Variants in SRRM4 observed in about 807,000 individuals in gnomAD.
The protein encoded by SRRM4 is serine/arginine repetitive matrix protein 4.
Under a neutral mutation model 68.9 loss-of-function variants are expected in SRRM4, and 33 were observed. The ratio of observed to expected loss-of-function variants is 0.48; its 90% CI spans 0.36 to 0.64. The LOEUF (loss-of-function observed/expected upper bound fraction) is 0.64, where lower values mean the gene tolerates loss of function less well. Among genes scored for constraint, SRRM4 ranks in the 30% least tolerant of loss-of-function variants. SRRM4 has a pLI of 0.00. For synonymous variants in SRRM4, 318 were observed against 318.8 expected (o/e 1.00, Z 0.03); for missense variants, 817 against 827.1 (o/e 0.99, Z 0.15).
chr12:119,070,858 G>C (rs1565901660), intron 1 of SRRM4, among the ~76,000 whole-genome samples: 1 of 152,140 alleles, frequency 6.6e-6, no homozygotes, highest in Non-Finnish European at 1.5e-5. Flanking sequence ...TCATGGTGAG[G>C]GTCCTAGGAC....
At chr12:119,012,631 T>C (rs1953457551) in intron 1 of SRRM4, among the ~76,000 whole-genome samples, 2 of 152,224 alleles carry the variant, frequency 1.3e-5, no homozygotes, top group Admixed American at 1.3e-4. Flanking sequence ...AGTCCCGCTC[T>C]CTTTCTTCAA....
chr12:119,073,772 T>C (rs566070020), intron 1 of SRRM4, among the ~76,000 whole-genome samples: 70 of 152,222 alleles, frequency 4.6e-4, no homozygotes, highest in African/African-American at 1.6e-3. Context: ...AGTCATACCC[T>C]CTGTGCCCTG....
chr12:119,050,558 A>T (rs1023936949), intron 1 of SRRM4, among the ~76,000 whole-genome samples: 3 of 152,224 alleles, frequency 2.0e-5, no homozygotes, highest in Non-Finnish European at 4.4e-5. Context: ...AGCAGAGTGT[A>T]AGACCTTTAG....
chr12:119,079,360 C>T (rs1367171636), intron 1 of SRRM4, among the ~76,000 whole-genome samples: 1 of 152,100 alleles, frequency 6.6e-6, no homozygotes, highest in Non-Finnish European at 1.5e-5. Context: ...GAAAGTGACT[C>T]AGTGAGGTAT....
intron 7 of SRRM4, among the ~76,000 whole-genome samples, chr12:119,126,613 C>T (rs945945794): frequency 2.0e-5 from 3 of 152,132 alleles, no homozygotes; most frequent in Admixed American, 2.0e-4. Flanking sequence ...TTCTCCTAAC[C>T]TGGACTCTCT....
chr12:119,076,075 G>A (rs1030917335), intron 1 of SRRM4, among the ~76,000 whole-genome samples: 3 of 151,986 alleles, frequency 2.0e-5, no homozygotes, highest in African/African-American at 7.3e-5. Flanking sequence ...TAATGGTAAT[G>A]ATAATAATAA....
intron 1 of SRRM4, among the ~76,000 whole-genome samples, chr12:119,019,958 C>A (rs61402660): frequency 0.24 from 17,500 of 73,786 alleles, 1,354 homozygotes; most frequent in Middle Eastern, 0.34. Context: ...CTCCCCCCCC[C>A]CCCAAAAAAA....
chr12:118,997,400 C>T (rs1184250766), intron 1 of SRRM4, among the ~76,000 whole-genome samples: 1 of 152,230 alleles, frequency 6.6e-6, no homozygotes, highest in Non-Finnish European at 1.5e-5. Flanking sequence ...AGTCCACACA[C>T]GTTACTGTGG....
Position 119,157,042 on chromosome 12 carries a change from T to A in SRRM4, c.*244T>A, listed in dbSNP as rs1454327907. The A allele has an allele frequency of 4.2e-6, 2 of 479,062 alleles. No individual in the cohort carries two copies. 29.7% of individuals were successfully genotyped at this position (479,062 alleles called of 1,614,324 possible). On this transcript the variant is annotated 3_prime_UTR_variant, in exon 13 of 13. Coordinates refer to ENST00000267260, the MANE Select transcript of SRRM4 (RefSeq NM_194286.4). This position sits in a 1 kb window ranked among gnomAD's most constrained non-coding sequence, Gnocchi z 4.1. ...TGGGCATATGGAAAGAACCATCATC[T>A]TGTGGCACAAAAAAAGAAGAAAGAA...
chr12:119,000,036 CATG>C (rs1953374404), intron 1 of SRRM4, among the ~76,000 whole-genome samples: 1 of 152,170 alleles, frequency 6.6e-6, no homozygotes, highest in African/African-American at 2.4e-5. Flanking sequence ...TATTATGACA[CATG>C]ATGTTTTGTA....
At chr12:119,041,882 C>T (rs889891678) in intron 1 of SRRM4, among the ~76,000 whole-genome samples, 5 of 152,126 alleles carry the variant, frequency 3.3e-5, no homozygotes, top group Admixed American at 1.3e-4. Flanking sequence ...AATAGCAATC[C>T]GAGCTCAATC....
intron 1 of SRRM4, among the ~76,000 whole-genome samples, chr12:119,043,674 A>T (rs1276041322): frequency 2.6e-5 from 4 of 152,092 alleles, no homozygotes; most frequent in Admixed American, 2.6e-4. Flanking sequence ...AGAGACAAAA[A>T]CAAAGAAAGG....
At chr12:119,114,181 C>A in intron 2 of SRRM4, 97 bp from the exon 3 acceptor site, 1 of 979,254 alleles carries the variant, frequency 1.0e-6, no homozygotes, top group Non-Finnish European at 1.6e-6. Flanking sequence ...GGTCCTTGAT[C>A]ATCCAAGGAC....
intron 5 of SRRM4, among the ~76,000 whole-genome samples, chr12:119,121,627 G>A (rs773122742): frequency 7.2e-5 from 11 of 152,144 alleles, no homozygotes; most frequent in Non-Finnish European, 1.2e-4. Context: ...GCTCACCTGC[G>A]CAATCCTAAC....
intron 1 of SRRM4, among the ~76,000 whole-genome samples, chr12:119,072,084 C>A (rs374472736): frequency 6.6e-6 from 1 of 152,314 alleles, no homozygotes; most frequent in East Asian, 1.9e-4. Flanking sequence ...GTAATAGGTA[C>A]TAATAATAGT....
chr12:119,056,330 C>G (rs546580326), intron 1 of SRRM4, among the ~76,000 whole-genome samples: 10 of 152,330 alleles, frequency 6.6e-5, no homozygotes, highest in African/African-American at 2.4e-4. Context: ...GTCACCTCAT[C>G]ATTTTACCTG....
In SRRM4 at chr12:119,120,641, G is replaced by A. The variant is rs202139681; in HGVS notation, c.464+365G>A. 3.9e-5 allele frequency among the ~76,000 whole-genome samples: 6 copies of A among 152,286 alleles called. No individual in the cohort carries two copies. In the South Asian group the frequency reaches 6.2e-4, roughly 16 times the overall value. On this transcript the variant is annotated intron_variant, in intron 5 of 12. Coordinates refer to ENST00000267260, the MANE Select transcript of SRRM4 (RefSeq NM_194286.4). ...GGCCAAGGAACAGGGCCAAGTCCTC[G>A]TATACTGGACACACTGGGTGAACAC...
chr12:119,004,003 A>G (rs1440207776), intron 1 of SRRM4, among the ~76,000 whole-genome samples: 1 of 152,048 alleles, frequency 6.6e-6, no homozygotes, highest in South Asian at 2.1e-4. Context: ...TCAGTTATTT[A>G]ATTAATAAAA....
intron 8 of SRRM4, among the ~76,000 whole-genome samples, chr12:119,143,508 T>C (rs77159706): frequency 0.012 from 1,848 of 152,330 alleles, 40 homozygotes; most frequent in African/African-American, 0.042. Context: ...GTTATGAATT[T>C]AGACCCTTGG....
Sources: gnomAD v4.1 joint callset for allele counts (sites outside exome capture counted in the v4.1 genomes callset) on GRCh38, gnomAD v4.1.1 for gene constraint, Gnocchi (gnomAD v3.1) non-coding constraint, MANE v1.5 for transcripts, NCBI Gene and HGNC (gene_info 2026-07-23, HGNC 2026-07-21) for gene names.